INO80: variants seen among roughly 807,000 people sequenced by gnomAD.
INO80 encodes chromatin-remodeling ATPase INO80.
A neutral mutation model predicts 203.4 loss-of-function variants in INO80; 20 were observed. The ratio of observed to expected loss-of-function variants is 0.10; its 90% CI spans 0.07 to 0.14. The LOEUF (loss-of-function observed/expected upper bound fraction) is 0.14, where lower values mean the gene tolerates loss of function less well. INO80 is among the 10% of genes least tolerant of loss of function. The probability of loss-of-function intolerance (pLI) is 1.00; values close to 1 mark genes in which losing one functional copy is unlikely to be tolerated. For missense variants in INO80, 1,419 were observed against 1,914.4 expected (o/e 0.74, Z 4.83); for synonymous variants, 726 against 685.2 (o/e 1.06, Z -0.93).
At chr15:41,090,352 G>A (rs1373992177) in intron 5 of INO80, among the ~76,000 whole-genome samples, 2 of 152,052 alleles carry the variant, frequency 1.3e-5, no homozygotes, top group East Asian at 3.9e-4. Context: ...AAGGCGGGAG[G>A]ATCACCTGAG....
chr15:41,067,315 T>C (rs1475184783), intron 14 of INO80, among the ~76,000 whole-genome samples: 2 of 151,932 alleles, frequency 1.3e-5, no homozygotes, highest in African/African-American at 4.8e-5. Context: ...GACCTTGTGA[T>C]CCACCCGCCT....
chr15:41,067,190 C>G (rs1221375495), intron 14 of INO80, among the ~76,000 whole-genome samples: 1 of 152,068 alleles, frequency 6.6e-6, no homozygotes, highest in African/African-American at 2.4e-5. Context: ...AATTTTCCTG[C>G]CTCAGCCTCC....
At position 40,984,045 on chromosome 15, in the gene INO80, A is replaced by T. The variant is rs1475088038; in HGVS notation, c.4078-124T>A. 4 of 1,368,034 alleles carry T rather than the reference A, an allele frequency of 2.9e-6. No homozygotes were observed. The Admixed American group carries it at 7.9e-5, about 27-fold the overall frequency. 84.7% of individuals were successfully genotyped at this position (1,368,034 alleles called of 1,614,324 possible). A position where few individuals can be genotyped will look rare whatever the true frequency, so the allele number is the denominator to read the frequency against. ...GCTTCTGAGAAACCAACCTGTCCTC[A>T]TTTGTTTTTCTCCTTACAGACCTCA... is the stretch of plus-strand genomic sequence containing the variant. On this transcript the variant is annotated intron_variant, in intron 33 of 35. Coordinates refer to ENST00000648947, the MANE Select transcript of INO80 (RefSeq NM_017553.3).
At chr15:41,025,217 T>C (rs988871627) in intron 25 of INO80, among the ~76,000 whole-genome samples, 2 of 152,222 alleles carry the variant, frequency 1.3e-5, no homozygotes, top group Non-Finnish European at 1.5e-5. Flanking sequence ...GCAGCAGGCA[T>C]GGTAGCTGGG....
intron 30 of INO80, 77 bp from the exon 31 acceptor site, chr15:40,987,270 C>G (rs1444628095): frequency 2.3e-6 from 2 of 857,168 alleles, no homozygotes; most frequent in African/African-American, 1.7e-5. Context: ...AGATACACAT[C>G]GTTCTCAACC....
chr15:41,097,981 A>G (rs187103083), intron 1 of INO80, among the ~76,000 whole-genome samples: 122 of 152,062 alleles, frequency 8.0e-4, no homozygotes, highest in African/African-American at 2.9e-3. Context: ...ACAACAACTA[A>G]ATGAAATGAT....
intron 35 of INO80, among the ~76,000 whole-genome samples, chr15:40,982,268 T>C (rs764431914): frequency 6.6e-5 from 10 of 152,210 alleles, no homozygotes; most frequent in African/African-American, 2.4e-4. Context: ...TGCCTCAGCC[T>C]CCCAAGTAGC....
rs549188306 is a variant in INO80, at chr15:40,994,224, G to A, written c.3570+3305C>T. 2.6e-5 allele frequency among the ~76,000 whole-genome samples: 4 copies of A among 152,164 alleles called. No homozygotes were observed. In the East Asian group the frequency reaches 5.8e-4, roughly 22 times the overall value. On this transcript the variant is annotated intron_variant, in intron 29 of 35. Coordinates refer to ENST00000648947, the MANE Select transcript of INO80 (RefSeq NM_017553.3). The stretch of plus-strand genomic sequence containing the variant: ...CTGCCAGGTATATGCTTAGGTTGCC[G>A]CCTTACTTTCTTCAGATCTTGGCTC...
intron 28 of INO80, among the ~76,000 whole-genome samples, chr15:41,002,581 T>C (rs2043973117): frequency 6.6e-6 from 1 of 152,204 alleles, no homozygotes; most frequent in African/African-American, 2.4e-5. Flanking sequence ...ACAGCTCTGG[T>C]TGGGGTCTAT....
At position 41,059,998 on chromosome 15, in the gene INO80, C is replaced by T. The variant is rs552663390; in HGVS notation, c.1783-72G>A. On this transcript the variant is annotated intron_variant, in intron 14 of 35. Transcript: ENST00000648947. ...AAAGTATTAGAACAAATATATAATTCGGAACAATTTAAAAAGAAACTAATA... is the reference window on the plus strand; with the variant it reads ...AAAGTATTAGAACAAATATATAATTTGGAACAATTTAAAAAGAAACTAATA... 102 of 1,035,138 alleles carry T rather than the reference C, an allele frequency of 9.9e-5. 1 individual carries two copies. Among genetic ancestry groups the T allele is most frequent in the Non-Finnish European group, 1.3e-4 (87 of 695,872 alleles). 64.1% of individuals were successfully genotyped at this position (1,035,138 alleles called of 1,614,324 possible). A position where few individuals can be genotyped will look rare whatever the true frequency, so the allele number is the denominator to read the frequency against.
chr15:41,070,768 T>C (rs1473077973), intron 12 of INO80, among the ~76,000 whole-genome samples: 4 of 152,334 alleles, frequency 2.6e-5, no homozygotes, highest in East Asian at 1.9e-4. Flanking sequence ...GCCAATCTGT[T>C]AGCTAATACA....
chr15:41,080,713 A>T lies in INO80; in HGVS notation c.927+307T>A, dbSNP rs531803047. On this transcript the variant is annotated intron_variant, in intron 8 of 35. Coordinates refer to ENST00000648947, the MANE Select transcript of INO80 (RefSeq NM_017553.3). ...TACTAAAATACAAAAATTATAGGGCATGATGGCAGGTGCCTATAATCCCAG... is the reference window on the plus strand; with the variant it reads ...TACTAAAATACAAAAATTATAGGGCTTGATGGCAGGTGCCTATAATCCCAG... Among the ~76,000 whole-genome samples, 8 of 152,270 alleles carry T rather than the reference A, an allele frequency of 5.3e-5. No individual in the cohort carries two copies. The East Asian group carries it at 1.5e-3, about 29-fold the overall frequency.
chr15:40,996,036 TGAGAGA>T (rs35496221), intron 29 of INO80, among the ~76,000 whole-genome samples: 4 of 150,062 alleles, frequency 2.7e-5, no homozygotes, highest in South Asian at 2.1e-4. Context: ...ATCAGATTAG[TGAGAGA>T]GAGAGAGAGA....
Position 41,054,050 on chromosome 15 carries a change from A to G in INO80, c.2189-36T>C, listed in dbSNP as rs2044938547. On this transcript the variant is annotated intron_variant, in intron 18 of 35. Transcript: ENST00000648947. ...GGGAGGCCCCCAAATAATACATTAT[A>G]GTGATTTCACAAAAACAACAGAAAC... is the stretch of plus-strand genomic sequence containing the variant. The G allele has an allele frequency of 5.9e-6, 9 of 1,535,626 alleles. No homozygotes were observed. In the East Asian group the frequency reaches 1.6e-4, roughly 27 times the overall value.
At chr15:41,011,104 T>C (rs1359586144) in intron 27 of INO80, among the ~76,000 whole-genome samples, 1 of 152,242 alleles carries the variant, frequency 6.6e-6, no homozygotes, top group East Asian at 1.9e-4. Context: ...CTTTCTTCTA[T>C]GCCATATGTT....
rs887641268 is a variant in INO80 at position 41,048,222 on chromosome 15, A to G, written c.2631T>C (p.Phe877=). ...FAPDYIQRSL[F]HRKGINEESC... is the part of the protein sequence containing the mutation. ...GATCAAAACACCTACCTTTTCTGTG[A>G]AAGAGAGACCGTTGGATATAGTCTG... The change falls in exon 22 of 36, where the codon TTT becomes TTC. Residue 877 remains phenylalanine, a synonymous_variant. Transcript: ENST00000648947. The G allele has an allele frequency of 1.2e-6, 2 of 1,612,706 alleles. No individual in the cohort carries two copies. Among genetic ancestry groups the G allele is most frequent in the Non-Finnish European group, 1.7e-6 (2 of 1,178,918 alleles).
chr15:40,984,856 T>C (rs773475234), intron 32 of INO80, among the ~76,000 whole-genome samples: 1 of 152,172 alleles, frequency 6.6e-6, no homozygotes, highest in Non-Finnish European at 1.5e-5. Flanking sequence ...TTAAGACAAA[T>C]TTTTAAGACA....
chr15:41,009,501 C>T (rs897764748), intron 27 of INO80, among the ~76,000 whole-genome samples: 3 of 150,146 alleles, frequency 2.0e-5, no homozygotes, highest in Non-Finnish European at 4.4e-5. Context: ...TTTGTTCTTG[C>T]GATAGTTTAC....
chr15:41,058,591 G>A, intron 16 of INO80, 48 bp downstream of exon 16: 1 of 1,452,454 alleles, frequency 6.9e-7, no homozygotes, highest in Non-Finnish European at 9.6e-7. Context: ...GTGTGTGTGT[G>A]TGTACTTAAC....
Sources: allele counts gnomAD v4.1 joint callset (sites outside exome capture counted in the v4.1 genomes callset), GRCh38; gene constraint gnomAD v4.1.1; transcripts MANE v1.5; gene names NCBI Gene and HGNC (gene_info 2026-07-23, HGNC 2026-07-21).